Variants in CLDN11 observed in about 807,000 individuals in gnomAD.
CLDN11 encodes claudin-11.
CLDN11 carries 1 observed loss-of-function variant against 18.0 expected under a neutral mutation model. The observed-to-expected ratio is 0.06, with a 90% CI of 0.02 to 0.26. The LOEUF (loss-of-function observed/expected upper bound fraction) is 0.26, where lower values mean the gene tolerates loss of function less well. CLDN11 is among the 10% of genes least tolerant of loss of function. The pLI is 1.00. For missense variants in CLDN11, 172 were observed against 276.6 expected (o/e 0.62, Z 2.68); for synonymous variants, 116 against 121.5 (o/e 0.96, Z 0.30).
At chr3:170,430,627 C>T (rs1482523260) in intron 2 of CLDN11, among the ~76,000 whole-genome samples, 1 of 151,788 alleles carries the variant, frequency 6.6e-6, no homozygotes, top group Non-Finnish European at 1.5e-5. Context: ...CATGCAACCT[C>T]TGCCTTCTGG....
intron 2 of CLDN11, among the ~76,000 whole-genome samples, chr3:170,428,912 T>C (rs527786954): frequency 6.6e-6 from 1 of 151,180 alleles, no homozygotes; most frequent in South Asian, 2.1e-4. Flanking sequence ...AAAAACACTT[T>C]CTTTATTTTT....
Position 170,419,043 on chromosome 3 carries a change from C to T in CLDN11, c.-24C>T. 6.6e-7 allele frequency: 1 copy of T among 1,522,286 alleles called. No homozygotes were observed. Among genetic ancestry groups the T allele is most frequent in the Non-Finnish European group, 8.9e-7 (1 of 1,122,464 alleles). The allele number at this position is 1,522,286 out of a possible 1,614,324, so 94.3% of individuals were successfully genotyped here. A position where few individuals can be genotyped will look rare whatever the true frequency, so the allele number is the denominator to read the frequency against. ...CCAGGCACAGCCGTGAGGGGCGAGG[C>T]ACGGGGACATCCTGGCGGCCACCAT... On this transcript the variant is annotated 5_prime_UTR_variant, in exon 1 of 3. Transcript: ENST00000064724. The surrounding 1 kb of genome is among the most constrained non-coding windows in gnomAD (Gnocchi z 8.6).
chr3:170,420,994 T>C (rs563538177), intron 1 of CLDN11, among the ~76,000 whole-genome samples: 2 of 152,298 alleles, frequency 1.3e-5, no homozygotes, highest in African/African-American at 4.8e-5. Context: ...CTATAGTATT[T>C]TATTAAAAGC....
At chr3:170,424,852 G>A (rs1054306079) in intron 2 of CLDN11, among the ~76,000 whole-genome samples, 4 of 152,152 alleles carry the variant, frequency 2.6e-5, no homozygotes, top group Admixed American at 6.5e-5. Context: ...GACATGAGAG[G>A]TGGGGCACCA....
At chr3:170,428,580 G>C (rs888202145) in intron 2 of CLDN11, among the ~76,000 whole-genome samples, 1 of 152,206 alleles carries the variant, frequency 6.6e-6, no homozygotes, top group Admixed American at 6.5e-5. Flanking sequence ...TCTTTACATA[G>C]TGAAGCTTTC....
At chr3:170,432,379 A>G (rs1739021176) in intron 2 of CLDN11, 145 bp from the exon 3 acceptor site, 8 of 1,400,326 alleles carry the variant, frequency 5.7e-6, no homozygotes, top group Middle Eastern at 2.3e-4. Context: ...ATATTGGTTC[A>G]GTGTTGAGGG....
intron 2 of CLDN11, among the ~76,000 whole-genome samples, chr3:170,431,070 C>A (rs1176192064): frequency 6.6e-6 from 1 of 152,024 alleles, no homozygotes; most frequent in African/African-American, 2.4e-5. Flanking sequence ...ATGTTACAAG[C>A]AACACAAATG....
rs530532750 is a variant in CLDN11 at position 170,427,532 on chromosome 3, A to G, written c.391+4205A>G. Among the ~76,000 whole-genome samples the G allele has an allele frequency of 2.0e-5, 3 of 152,046 alleles. No individual in the cohort carries two copies. The South Asian group carries it at 6.2e-4, about 32-fold the overall frequency. ...GCTACTTGGGAGGCTGAGGCAGGAG[A>G]ATCACTTGAACCCAGGAGGCAGAGG... On this transcript the variant is annotated intron_variant, in intron 2 of 2. Transcript: ENST00000064724.
At chr3:170,425,489 T>C (rs535261863) in intron 2 of CLDN11, among the ~76,000 whole-genome samples, 26 of 152,344 alleles carry the variant, frequency 1.7e-4, no homozygotes, top group African/African-American at 6.3e-4. Flanking sequence ...TAATCAGGGA[T>C]ATTGAAGGAA....
In CLDN11 at chr3:170,426,387, A is replaced by C. The variant is rs567909266; in HGVS notation, c.391+3060A>C. 7.2e-5 allele frequency among the ~76,000 whole-genome samples: 11 copies of C among 152,348 alleles called. 1 individual carries two copies. The highest frequency in any genetic ancestry group is 2.6e-4 in the Admixed American group (4 of 15,304). ...GCCAGATGAGTAGTACAGGAGCAGC[A>C]GGCTCTCAGATCTGTGGTGGATTTG... On this transcript the variant is annotated intron_variant, in intron 2 of 2. Coordinates refer to ENST00000064724, the MANE Select transcript of CLDN11 (RefSeq NM_005602.6).
rs963588575 is a variant in CLDN11, at chr3:170,433,021, C to G, written c.*265C>G. 2 of 215,442 alleles carry G rather than the reference C, an allele frequency of 9.3e-6. No homozygotes were observed. The highest frequency in any genetic ancestry group is 1.6e-5 in the Non-Finnish European group (2 of 121,818). The allele number at this position is 215,442 out of a possible 1,614,324, so 13.3% of individuals were successfully genotyped here. On this transcript the variant is annotated 3_prime_UTR_variant, in exon 3 of 3. Coordinates refer to ENST00000064724, the MANE Select transcript of CLDN11 (RefSeq NM_005602.6). ...CCTATTAGCTCTTTTCTTGGGCATT[C>G]TTTTGCTGTTTATTAAAAATATATT... is the stretch of plus-strand genomic sequence containing the variant.
At chr3:170,421,359 GC>G in intron 1 of CLDN11, 2 of 948,856 alleles carry the variant, frequency 2.1e-6, no homozygotes, top group Non-Finnish European at 2.5e-6. Context: ...CTCTCTACAA[GC>G]CGCAGAGGCG....
chr3:170,427,636 C>A (rs1351851411), intron 2 of CLDN11, among the ~76,000 whole-genome samples: 3 of 150,718 alleles, frequency 2.0e-5, no homozygotes, highest in Non-Finnish European at 4.4e-5. Context: ...AAACAAAAAA[C>A]AAAAAAACCA....
intron 2 of CLDN11, among the ~76,000 whole-genome samples, chr3:170,426,954 G>T (rs1738869378): frequency 6.6e-6 from 1 of 152,058 alleles, no homozygotes; most frequent in Admixed American, 6.6e-5. Context: ...GCTAATTTTT[G>T]TATTTTTTGT....
At chr3:170,427,889 G>A (rs1415407066) in intron 2 of CLDN11, among the ~76,000 whole-genome samples, 2 of 151,986 alleles carry the variant, frequency 1.3e-5, no homozygotes, top group African/African-American at 4.8e-5. Flanking sequence ...CAGGCATGGT[G>A]GTTCACGCCT....
chr3:170,423,619 G>A, intron 2 of CLDN11: 1 of 378,758 alleles, frequency 2.6e-6, no homozygotes, highest in Non-Finnish European at 4.9e-6. Context: ...AGCCTTCTCA[G>A]TCTTCACAGT....
chr3:170,432,312 C>G (rs191090999), intron 2 of CLDN11, among the ~76,000 whole-genome samples: 1 of 152,046 alleles, frequency 6.6e-6, no homozygotes, highest in East Asian at 1.9e-4. Context: ...TCTCTGTTAC[C>G]TGCTGAAAAA....
rs1456423443 is a variant in CLDN11, at chr3:170,434,294, C to A, written c.*1538C>A. On this transcript the variant is annotated 3_prime_UTR_variant, in exon 3 of 3. Coordinates refer to ENST00000064724, the MANE Select transcript of CLDN11 (RefSeq NM_005602.6). ...TAATTTGTGGTCATGAAAGCATAAC[C>A]TCAGTGCTCTCTAGGTTTCTTAAGT... Among the ~76,000 whole-genome samples, 1 of 152,132 alleles carries A rather than the reference C, an allele frequency of 6.6e-6. No homozygotes were observed. Among genetic ancestry groups the A allele is most frequent in the Non-Finnish European group, 1.5e-5 (1 of 68,012 alleles).
At chr3:170,425,468 GT>G (rs1738831522) in intron 2 of CLDN11, among the ~76,000 whole-genome samples, 1 of 152,316 alleles carries the variant, frequency 6.6e-6, no homozygotes, top group African/African-American at 2.4e-5. Context: ...CAACAGAATT[GT>G]TTAGTTGAAT....
Sources: gnomAD v4.1 joint callset for allele counts (sites outside exome capture counted in the v4.1 genomes callset) on GRCh38, gnomAD v4.1.1 for gene constraint, Gnocchi (gnomAD v3.1) non-coding constraint, MANE v1.5 for transcripts, NCBI Gene and HGNC (gene_info 2026-07-23, HGNC 2026-07-21) for gene names.